Variants in SMPD3 observed in about 807,000 individuals in gnomAD.
The protein encoded by SMPD3 is sphingomyelin phosphodiesterase 3, also known as nSMase-2.
Under a neutral mutation model 55.7 loss-of-function variants are expected in SMPD3, and 21 were observed. That is an observed-to-expected ratio of 0.38 (90% CI 0.27 to 0.54). The LOEUF (loss-of-function observed/expected upper bound fraction) is 0.54. Ranked by LOEUF, SMPD3 falls within the 20% of genes least tolerant of loss-of-function variation. The probability of loss-of-function intolerance (pLI) is 0.80; values close to 1 mark genes in which losing one functional copy is unlikely to be tolerated. For synonymous variants in SMPD3, 457 were observed against 404.3 expected (o/e 1.13, Z -1.56); for missense variants, 842 against 899.6 (o/e 0.94, Z 0.82).
chr16:68,366,560 C>T (rs574460556), intron 3 of SMPD3, among the ~76,000 whole-genome samples: 4 of 152,352 alleles, frequency 2.6e-5, no homozygotes, highest in South Asian at 2.1e-4. Flanking sequence ...CTGATGAAGC[C>T]GCCATGCTCA....
chr16:68,414,404 T>C (rs1454411049), intron 1 of SMPD3, among the ~76,000 whole-genome samples: 1 of 152,260 alleles, frequency 6.6e-6, no homozygotes, highest in Non-Finnish European at 1.5e-5. Context: ...CCGGGCTCAA[T>C]TATGTGCAGT....
At chr16:68,362,905 T>C (rs1567775618) in intron 7 of SMPD3, among the ~76,000 whole-genome samples, 1 of 152,224 alleles carries the variant, frequency 6.6e-6, no homozygotes, top group Non-Finnish European at 1.5e-5. Context: ...TGGCTCAAAT[T>C]AGCTGCAAGG....
intron 2 of SMPD3, among the ~76,000 whole-genome samples, chr16:68,382,932 C>G (rs1026109825): frequency 2.6e-5 from 4 of 152,218 alleles, no homozygotes; most frequent in South Asian, 2.1e-4. Flanking sequence ...ACCTCCACCC[C>G]CCACTGGGCT....
chr16:68,383,000 TA>T (rs2089980908), intron 2 of SMPD3, among the ~76,000 whole-genome samples: 1 of 152,150 alleles, frequency 6.6e-6, no homozygotes, highest in African/African-American at 2.4e-5. Context: ...ATGTGCCAGC[TA>T]ATTTTTTTTG....
intron 1 of SMPD3, among the ~76,000 whole-genome samples, chr16:68,390,380 G>C (rs1028853118): frequency 6.6e-6 from 1 of 152,184 alleles, no homozygotes; most frequent in Non-Finnish European, 1.5e-5. Flanking sequence ...GCCTAACCTA[G>C]GCTGGATGTG....
chr16:68,390,695 T>C (rs184455251), intron 1 of SMPD3, among the ~76,000 whole-genome samples: 1 of 152,112 alleles, frequency 6.6e-6, no homozygotes, highest in Non-Finnish European at 1.5e-5. Context: ...TTCCTAACCT[T>C]CTGGGAATGC....
chr16:68,364,447 C>T (rs1412842171), intron 5 of SMPD3: 4 of 335,446 alleles, frequency 1.2e-5, no homozygotes, highest in East Asian at 5.9e-5. Context: ...GAAGCAAGAG[C>T]GCGGCGCCCC....
chr16:68,371,427 C>T lies in SMPD3; in HGVS notation c.755G>A (p.Gly252Asp). 1 of 1,574,942 alleles carries T rather than the reference C, an allele frequency of 6.3e-7. No homozygotes were observed. The highest frequency in any genetic ancestry group is 1.1e-5 in the South Asian group (1 of 87,600). Residue 252 changes from glycine to aspartate, a missense_variant, in exon 3 of 9, where the codon GGC becomes GAC. Transcript: ENST00000219334. ...GTCGTCAGCTTCAGGTGGCCGGCCGCCCTCCTCGCCACCGATGCGCACGAT... is the reference window on the plus strand; with the variant it reads ...GTCGTCAGCTTCAGGTGGCCGGCCGTCCTCCTCGCCACCGATGCGCACGAT... ...ACIVRIGGEE[G>D]GRPPEADDPV...
intron 5 of SMPD3, among the ~76,000 whole-genome samples, chr16:68,364,128 C>T (rs1156353882): frequency 6.6e-6 from 1 of 152,218 alleles, no homozygotes; most frequent in East Asian, 1.9e-4. Context: ...TGACCACGGT[C>T]CTCGGACAGA....
chr16:68,358,343 T>C lies in SMPD3; in HGVS notation c.*2863A>G, dbSNP rs1192506985. ...ACACCAGCCTTGAGCCTCACAGTTT[T>C]ATTTTCTCCTCGTTATCCATCCTTC... On this transcript the variant is annotated 3_prime_UTR_variant, in exon 9 of 9. Coordinates refer to ENST00000219334, the MANE Select transcript of SMPD3 (RefSeq NM_018667.4). 2.0e-5 allele frequency: 3 copies of C among 152,768 alleles called. No homozygotes were observed. Among genetic ancestry groups the C allele is most frequent in the Non-Finnish European group, 4.4e-5 (3 of 68,050 alleles). The allele number at this position is 152,768 out of a possible 1,614,324, so 9.5% of individuals were successfully genotyped here.
intron 1 of SMPD3, among the ~76,000 whole-genome samples, chr16:68,444,599 T>G (rs2090595815): frequency 6.6e-6 from 1 of 152,218 alleles, no homozygotes; most frequent in African/African-American, 2.4e-5. Flanking sequence ...TTTGTTTGGC[T>G]TCAGTACAAG....
At chr16:68,416,023 A>C (rs529715013) in intron 1 of SMPD3, among the ~76,000 whole-genome samples, 7 of 152,312 alleles carry the variant, frequency 4.6e-5, no homozygotes, top group African/African-American at 1.7e-4. Context: ...ATCACATCAG[A>C]TTCAAACCGA....
intron 1 of SMPD3, among the ~76,000 whole-genome samples, chr16:68,395,907 A>T (rs2090152374): frequency 6.6e-6 from 1 of 152,232 alleles, no homozygotes; most frequent in African/African-American, 2.4e-5. Flanking sequence ...AGAAGAGAGA[A>T]AAACAGACTG....
intron 1 of SMPD3, among the ~76,000 whole-genome samples, chr16:68,439,700 T>C (rs2090551544): frequency 6.6e-6 from 1 of 152,244 alleles, no homozygotes; most frequent in Non-Finnish European, 1.5e-5. Flanking sequence ...CTGAGCTTAA[T>C]ACATATTTCT....
intron 1 of SMPD3, among the ~76,000 whole-genome samples, chr16:68,409,752 C>A (rs201316916): frequency 6.6e-6 from 1 of 152,198 alleles, no homozygotes; most frequent in Non-Finnish European, 1.5e-5. Flanking sequence ...CGCCACCACG[C>A]CCGGCTAATT....
intron 2 of SMPD3, among the ~76,000 whole-genome samples, chr16:68,385,979 T>C (rs2090046750): frequency 6.6e-6 from 1 of 152,320 alleles, no homozygotes; most frequent in East Asian, 1.9e-4. Flanking sequence ...TCCTAGCACA[T>C]TGGGAGGCCA....
At chr16:68,365,376 G>A (rs866136427) in intron 3 of SMPD3, among the ~76,000 whole-genome samples, 15 of 152,246 alleles carry the variant, frequency 9.9e-5, no homozygotes, top group Middle Eastern at 3.4e-3. Flanking sequence ...AAGGCTCCCC[G>A]GAGGCCCAGG....
chr16:68,364,472 C>T (rs1346984412), intron 5 of SMPD3: 1 of 437,316 alleles, frequency 2.3e-6, no homozygotes, highest in Non-Finnish European at 4.1e-6. Flanking sequence ...ATGGGTGTTA[C>T]TAGTGGACTC....
intron 2 of SMPD3, among the ~76,000 whole-genome samples, chr16:68,384,325 G>T (rs2090010007): frequency 6.6e-6 from 1 of 152,218 alleles, no homozygotes; most frequent in African/African-American, 2.4e-5. Flanking sequence ...AACTCAGCCA[G>T]TCCACCCATG....
Sources: allele counts gnomAD v4.1 joint callset (sites outside exome capture counted in the v4.1 genomes callset), GRCh38; gene constraint gnomAD v4.1.1; transcripts MANE v1.5; gene names NCBI Gene and HGNC (gene_info 2026-07-23, HGNC 2026-07-21).